The following RSF1 variants were observed in gnomAD, a reference collection of about 807,000 sequenced individuals.
RSF1 encodes the protein remodeling and spacing factor 1, also known as HBV pX-associated protein 8.
In RSF1, 13 loss-of-function variants were observed where a neutral mutation model predicts 145.2. That is an observed-to-expected ratio of 0.09 (90% CI 0.06 to 0.14). The LOEUF (loss-of-function observed/expected upper bound fraction) is 0.14, where lower values mean the gene tolerates loss of function less well. RSF1 is among the 10% of genes least tolerant of loss of function. RSF1 has a pLI of 1.00. For missense variants in RSF1, 1,517 were observed against 1,718.2 expected, an observed-to-expected ratio of 0.88 and a Z score of 2.07; for synonymous variants, 577 against 592.6, an observed-to-expected ratio of 0.97 and a Z score of 0.38.
At chr11:77,798,082 T>G (rs1948590179) in intron 1 of RSF1, among the ~76,000 whole-genome samples, 1 of 152,166 alleles carries the variant, frequency 6.6e-6, no homozygotes, top group African/African-American at 2.4e-5. Context: ...GTTCAAACAT[T>G]GTGGAAGACA....
rs138030333 is a variant in RSF1 at position 77,773,018 on chromosome 11, T to C, written c.188-8329A>G. Among the ~76,000 whole-genome samples the C allele has an allele frequency of 2.2e-4, 33 of 152,318 alleles. No individual in the cohort carries two copies. The Middle Eastern group carries it at 0.01, about 47-fold the overall frequency. On this transcript the variant is annotated intron_variant, in intron 1 of 15. Coordinates refer to ENST00000308488, the MANE Select transcript of RSF1 (RefSeq NM_016578.4). Reference sequence around the variant, plus strand: ...GCGCAGCTTTGTATCTGGTTTTTGATATTGGGTTGTTTCTGTCTATGCACC... The same window carrying C: ...GCGCAGCTTTGTATCTGGTTTTTGACATTGGGTTGTTTCTGTCTATGCACC...
At chr11:77,827,540 C>G in the RSF1 span, among the ~76,000 whole-genome samples, 120 of 152,268 alleles carry the variant, frequency 7.9e-4, no homozygotes, top group African/African-American at 2.7e-3. Flanking sequence ...ACATAGTCAT[C>G]TCAATAGATG....
At chr11:77,807,295 TAC>T (rs1948686976) in intron 1 of RSF1, among the ~76,000 whole-genome samples, 1 of 152,210 alleles carries the variant, frequency 6.6e-6, no homozygotes, top group South Asian at 2.1e-4. Context: ...CCATAATGCC[TAC>T]AGTTATGTTA....
At chr11:77,735,126 A>T in intron 4 of RSF1, 1 of 729,110 alleles carries the variant, frequency 1.4e-6, no homozygotes. Flanking sequence ...TGAAGAGGTG[A>T]GGGAGGGCTG....
At chr11:77,721,892 G>T (rs980517172) in intron 5 of RSF1, among the ~76,000 whole-genome samples, 2 of 152,216 alleles carry the variant, frequency 1.3e-5, no homozygotes, top group Non-Finnish European at 2.9e-5. Context: ...GAGAAGGTAG[G>T]CTGTGCGCAG....
In RSF1 at chr11:77,683,801, C is replaced by A. The variant is rs759114573; in HGVS notation, c.2974G>T (p.Asp992Tyr). The change falls in exon 11 of 16, where the codon GAT (aspartate) becomes TAT (tyrosine). Residue 992 changes from aspartate (D) to tyrosine (Y), a missense_variant. This residue lies in a region of RSF1 where 231 missense variants were observed against 276.6 expected (regional missense o/e 0.84). Coordinates refer to ENST00000308488, the MANE Select transcript of RSF1 (RefSeq NM_016578.4). ...IPPQEPDFSEDQEEKKKDSKK... is the reference protein window; with the variant it reads ...IPPQEPDFSEYQEEKKKDSKK... ...GAATCTTTTTTCTTTTCTTCTTGATCTTCAGAAAAGTCTGGCTCCTTAAAA... is the reference window on the plus strand; with the variant it reads ...GAATCTTTTTTCTTTTCTTCTTGATATTCAGAAAAGTCTGGCTCCTTAAAA... The A allele has an allele frequency of 2.5e-6, 4 of 1,611,478 alleles. No homozygotes were observed. The Admixed American group carries it at 5.0e-5, about 20-fold the overall frequency.
Position 77,666,379 on chromosome 11 carries a change from A to G in RSF1, c.*538T>C, listed in dbSNP as rs1214607755. The G allele has an allele frequency of 3.9e-5, 6 of 152,774 alleles. No homozygotes were observed. The East Asian group carries it at 1.2e-3, about 29-fold the overall frequency. 9.5% of individuals were successfully genotyped at this position (152,774 alleles called of 1,614,324 possible). ...AGTTCATTTCACAAAGGCTGTTACT[A>G]AATGACTTATGTATGATGTTATCTA... On this transcript the variant is annotated 3_prime_UTR_variant, in exon 16 of 16. Transcript: ENST00000308488.
intron 2 of RSF1, among the ~76,000 whole-genome samples, chr11:77,749,854 T>G (rs1788152856): frequency 6.6e-6 from 1 of 152,012 alleles, no homozygotes; most frequent in African/African-American, 2.4e-5. Context: ...GTTCAAGAGA[T>G]TCTCCTGCCT....
At chr11:77,767,844 G>C (rs1469046343) in intron 1 of RSF1, among the ~76,000 whole-genome samples, 1 of 152,102 alleles carries the variant, frequency 6.6e-6, no homozygotes, top group African/African-American at 2.4e-5. Context: ...ACAGAATCAT[G>C]AAAGATTTTG....
rs967035219 is a variant in RSF1 at position 77,666,274 on chromosome 11, A to G, written c.*643T>C. ...TTTTTTTTAAACAAGAAACTCTGCT[A>G]TAACAAAAATTTAGGTTAATTATGA... On this transcript the variant is annotated 3_prime_UTR_variant, in exon 16 of 16. Transcript: ENST00000308488. The G allele has an allele frequency of 2.6e-5, 4 of 152,616 alleles. No homozygotes were observed. Among genetic ancestry groups the G allele is most frequent in the Middle Eastern group, 3.4e-3 (1 of 294 alleles). The allele number at this position is 152,616 out of a possible 1,614,324, so 9.5% of individuals were successfully genotyped here.
chr11:77,701,167 T>G lies in RSF1; in HGVS notation c.2062A>C (p.Thr688Pro). ...TCAGAAGGCTCCTCTATGCCAGAGG[T>G]CTGGGCATTGTCCAGATTATCCATT... is the stretch of plus-strand genomic sequence containing the variant. The part of the protein sequence containing the change: ...VEMDNLDNAQ[T>P]SGIEEPSETK... The change falls in exon 6 of 16, where the codon ACC (threonine) becomes CCC (proline). Residue 688 changes from threonine to proline, a missense_variant. Thr to Pro is a conservative substitution (Grantham distance 38). Around this residue, in one of 12 missense-constraint regions of RSF1, gnomAD observed 579 missense variants for 553.5 expected, o/e 1.05. Coordinates refer to ENST00000308488, the MANE Select transcript of RSF1 (RefSeq NM_016578.4). 1 of 1,614,114 alleles carries G rather than the reference T, an allele frequency of 6.2e-7. No homozygotes were observed. The highest frequency in any genetic ancestry group is 8.5e-7 in the Non-Finnish European group (1 of 1,180,016).
intron 14 of RSF1, among the ~76,000 whole-genome samples, chr11:77,674,635 T>C (rs1959643224): frequency 1.3e-5 from 2 of 152,236 alleles, no homozygotes; most frequent in South Asian, 2.1e-4. Flanking sequence ...GTGCTTTCTA[T>C]GAGAAAAATT....
Position 77,758,887 on chromosome 11 carries a change from T to C in RSF1, c.279+5711A>G, listed in dbSNP as rs746957919. ...GCAATTTGCAATATAACTTCTTCCA[T>C]TCTGTAGGCTGTCTTTTCACTTTCT... On this transcript the variant is annotated intron_variant, in intron 2 of 15. Coordinates refer to ENST00000308488, the MANE Select transcript of RSF1 (RefSeq NM_016578.4). 2.6e-5 allele frequency among the ~76,000 whole-genome samples: 4 copies of C among 152,356 alleles called. No homozygotes were observed. In the South Asian group the frequency reaches 8.3e-4, roughly 32 times the overall value.
chr11:77,783,493 T>C lies in RSF1; in HGVS notation c.188-18804A>G, dbSNP rs73493836. Among the ~76,000 whole-genome samples, 271 of 152,304 alleles carry C rather than the reference T, an allele frequency of 1.8e-3. 2 individuals are homozygous for C. Among genetic ancestry groups the C allele is most frequent in the Middle Eastern group, 6.8e-3 (2 of 294 alleles). On this transcript the variant is annotated intron_variant, in intron 1 of 15. Transcript: ENST00000308488. ...TTATTTCACCCTAATTTTTGAAGGA[T>C]ATTTTGCTAGATATAGAAGTTTTCA... is the stretch of plus-strand genomic sequence containing the variant.
At chr11:77,842,761 C>T in the RSF1 span, 26 of 1,271,612 alleles carry the variant, frequency 2.0e-5, no homozygotes, top group Admixed American at 1.1e-4. Flanking sequence ...CCATTAAATT[C>T]ACCCTTTTAA....
intron 8 of RSF1, chr11:77,691,898 A>G (rs1960158340): frequency 6.6e-6 from 1 of 152,164 alleles, no homozygotes; most frequent in South Asian, 2.1e-4. Flanking sequence ...ATTTTATTTT[A>G]TTTTATTTTT....
intron 4 of RSF1, among the ~76,000 whole-genome samples, chr11:77,733,444 C>T (rs997061701): frequency 6.6e-6 from 1 of 151,846 alleles, no homozygotes; most frequent in African/African-American, 2.4e-5. Flanking sequence ...TTCTGTAGTC[C>T]CACTAAGATC....
chr11:77,739,542 T>C lies in RSF1; in HGVS notation c.578+1189A>G, dbSNP rs140944635. The C allele has an allele frequency of 4.8e-4, 73 of 152,344 alleles. No homozygotes were observed. In the East Asian group the frequency reaches 0.013, roughly 27 times the overall value. The allele number at this position is 152,344 out of a possible 1,614,324, so 9.4% of individuals were successfully genotyped here. ...AACAATCTCCCATGAGATTAATCAG[T>C]ACACATTTATTCTTAGGGAATGAAA... On this transcript the variant is annotated intron_variant, in intron 4 of 15. Coordinates refer to ENST00000308488, the MANE Select transcript of RSF1 (RefSeq NM_016578.4).
intron 4 of RSF1, among the ~76,000 whole-genome samples, chr11:77,734,075 G>A (rs1222144038): frequency 6.6e-6 from 1 of 151,946 alleles, no homozygotes; most frequent in African/African-American, 2.4e-5. Flanking sequence ...AAACATTTTT[G>A]CTATTGAAAC....
Sources: allele counts gnomAD v4.1 joint callset (sites outside exome capture counted in the v4.1 genomes callset), GRCh38; gene constraint gnomAD v4.1.1; regional missense constraint gnomAD v4.1.1; transcripts MANE v1.5; gene names NCBI Gene and HGNC (gene_info 2026-07-23, HGNC 2026-07-21).